Variants in MIAT observed in about 807,000 individuals in gnomAD.
The protein encoded by MIAT is myocardial infarction associated transcript.
intron 1 of MIAT, chr22:26,647,142 TTCTTC>T (rs1303907477): frequency 2.5e-6 from 1 of 398,442 alleles, no homozygotes; most frequent in African/African-American, 2.1e-5. Context: ...CAAGCCACCT[TTCTTC>T]TCTGGGTCTC....
chr22:26,647,751 A>G (rs1488930444), intron 2 of MIAT, among the ~76,000 whole-genome samples: 1 of 151,994 alleles, frequency 6.6e-6, no homozygotes, highest in Admixed American at 6.5e-5. Context: ...TGCTGCAGCA[A>G]GGAGAACAGA....
At chr22:26,650,184 C>T (rs931370373) in intron 2 of MIAT, 1 of 152,118 alleles carries the variant, frequency 6.6e-6, no homozygotes, top group Non-Finnish European at 1.5e-5. Context: ...CTGACAGGAC[C>T]AATGTCCTTA....
intron 2 of MIAT, among the ~76,000 whole-genome samples, chr22:26,649,052 A>G (rs1045933809): frequency 6.6e-6 from 1 of 152,134 alleles, no homozygotes; most frequent in Non-Finnish European, 1.5e-5. Context: ...CAGAAAAATA[A>G]TAGTTCAAAG....
chr22:26,672,114 C>T, downstream of MIAT: 1 of 399,822 alleles, frequency 2.5e-6, no homozygotes, highest in Non-Finnish European at 4.4e-6. Flanking sequence ...GTGCGTTCTT[C>T]CTTTTCTCTT....
At chr22:26,673,363 C>G (rs1931134413), downstream of MIAT, 1 of 399,032 alleles carries the variant, frequency 2.5e-6, no homozygotes, top group Non-Finnish European at 4.4e-6. Flanking sequence ...CTTGCGCTAA[C>G]TCTTGCTCTC....
chr22:26,675,371 TC>T (rs1188680523), exon 5 of MIAT: 1 of 398,526 alleles, frequency 2.5e-6, no homozygotes, highest in African/African-American at 2.1e-5. Context: ...TTAGATTTTA[TC>T]CTTAGGCCTT....
chr22:26,669,719 G>A (rs1569223779), downstream of MIAT: 1 of 399,230 alleles, frequency 2.5e-6, no homozygotes, highest in Non-Finnish European at 4.4e-6. Flanking sequence ...GGATGGGGAG[G>A]AGGAGCAGAG....
chr22:26,663,374 C>T (rs1034730609), exon 3 of MIAT: 4 of 398,540 alleles, frequency 1.0e-5, no homozygotes, highest in African/African-American at 2.1e-5. Flanking sequence ...ACCATGACCC[C>T]GTCGGCATCA....
At chr22:26,648,358 G>T (rs924028833) in intron 2 of MIAT, among the ~76,000 whole-genome samples, 1 of 152,158 alleles carries the variant, frequency 6.6e-6, no homozygotes, top group Admixed American at 6.5e-5. Flanking sequence ...GGCCCTGCAC[G>T]CACGTAGGCA....
At chr22:26,673,068 G>C (rs760292892), downstream of MIAT, 65 of 398,514 alleles carry the variant, frequency 1.6e-4, no homozygotes, top group Non-Finnish European at 6.6e-5. Context: ...GTTAGTTGTC[G>C]GGTTGAAAAG....
At chr22:26,658,966 G>T (rs1335706984) in intron 2 of MIAT, among the ~76,000 whole-genome samples, 2 of 152,232 alleles carry the variant, frequency 1.3e-5, no homozygotes, top group East Asian at 1.9e-4. Flanking sequence ...GAGGGAGGCG[G>T]GGGTAGACGC....
exon 5 of MIAT, chr22:26,675,037 C>CACAGA: frequency 2.5e-6 from 1 of 398,632 alleles, no homozygotes; most frequent in Non-Finnish European, 4.4e-6. Context: ...CTGTGCCAGG[C>CACAGA]GTGTGCCAGG....
chr22:26,673,881 G>C (rs1229592260), downstream of MIAT: 1 of 398,528 alleles, frequency 2.5e-6, no homozygotes, highest in Non-Finnish European at 4.4e-6. Flanking sequence ...AGTCTTGCAA[G>C]GTTTTGGCCA....
At chr22:26,670,250 A>G (rs1930994590), downstream of MIAT, 2 of 398,468 alleles carry the variant, frequency 5.0e-6, no homozygotes, top group East Asian at 3.6e-5. Flanking sequence ...TCTCATCAGC[A>G]CTGAGCACCT....
exon 5 of MIAT, chr22:26,667,268 A>C: frequency 2.5e-6 from 1 of 398,546 alleles, no homozygotes; most frequent in Non-Finnish European, 4.4e-6. Flanking sequence ...ATCTGCTCAG[A>C]TCTTCATGTC....
exon 5 of MIAT, chr22:26,675,673 T>G (rs1214844774): frequency 5.0e-6 from 2 of 398,542 alleles, no homozygotes. Context: ...TGAAAACATG[T>G]CATCCCATGG....
downstream of MIAT, chr22:26,672,767 C>A: frequency 2.5e-6 from 1 of 398,878 alleles, no homozygotes; most frequent in Non-Finnish European, 4.4e-6. Context: ...GCCTTTCTTA[C>A]ACCGGAAGTC....
downstream of MIAT, chr22:26,671,202 AT>A (rs1409892105): frequency 1.0e-5 from 4 of 398,580 alleles, no homozygotes; most frequent in Non-Finnish European, 1.3e-5. Flanking sequence ...GAGCTGAAAT[AT>A]TTGCAGGGGG....
At chr22:26,666,531 G>T in exon 4 of MIAT, 1 of 398,658 alleles carries the variant, frequency 2.5e-6, no homozygotes, top group South Asian at 1.3e-4. Context: ...GCAGAGCTGG[G>T]ATCAGAATTC....
Sources: allele counts gnomAD v4.1 joint callset (sites outside exome capture counted in the v4.1 genomes callset), GRCh38; gene constraint gnomAD v4.1.1; transcripts MANE v1.5; gene names NCBI Gene and HGNC (gene_info 2026-07-23, HGNC 2026-07-21).